The following NUMA1 variants were observed in gnomAD, a reference collection of about 807,000 sequenced individuals.
The protein encoded by NUMA1 is nuclear mitotic apparatus protein 1.
In NUMA1, 62 loss-of-function variants were observed where a neutral mutation model predicts 237.1. The ratio of observed to expected loss-of-function variants is 0.26; its 90% CI spans 0.21 to 0.32. The LOEUF (loss-of-function observed/expected upper bound fraction) is 0.32, where lower values mean the gene tolerates loss of function less well. NUMA1 is among the 10% of genes least tolerant of loss of function. The pLI is 1.00. For missense variants in NUMA1, 2,533 were observed against 2,666.5 expected (o/e 0.95, Z 1.10); for synonymous variants, 1,028 against 1,066.1 (o/e 0.96, Z 0.70).
intron 2 of NUMA1, among the ~76,000 whole-genome samples, chr11:72,037,374 C>T (rs1941149842): frequency 6.6e-6 from 1 of 152,100 alleles, no homozygotes; most frequent in African/African-American, 2.4e-5. Flanking sequence ...GGCATGGTGG[C>T]GGGCGCCTGT....
At chr11:72,034,243 A>T (rs1184487828) in intron 3 of NUMA1, among the ~76,000 whole-genome samples, 1 of 152,152 alleles carries the variant, frequency 6.6e-6, no homozygotes, top group Admixed American at 6.5e-5. Flanking sequence ...AAGAACTATG[A>T]TTTATTGAGA....
At chr11:72,078,796 AC>A (rs1360484001) in intron 1 of NUMA1, among the ~76,000 whole-genome samples, 1 of 152,166 alleles carries the variant, frequency 6.6e-6, no homozygotes, top group African/African-American at 2.4e-5. Context: ...GGAAACATAA[AC>A]CCATCTGTGC....
chr11:72,056,810 C>T (rs907369498), intron 2 of NUMA1, among the ~76,000 whole-genome samples: 3 of 151,840 alleles, frequency 2.0e-5, no homozygotes, highest in African/African-American at 7.3e-5. Flanking sequence ...AACATATCCA[C>T]CCAATTGTCC....
In NUMA1 at chr11:72,010,640, G is replaced by A. The variant is rs987198803; in HGVS notation, c.4719+146C>T. The A allele has an allele frequency of 5.4e-6, 4 of 735,390 alleles. No homozygotes were observed. The Admixed American group carries it at 7.1e-5, about 13-fold the overall frequency. The allele number at this position is 735,390 out of a possible 1,614,324, so 45.6% of individuals were successfully genotyped here. ...AGAGCTCCCAGAAGACACATGCAGG[G>A]GCTTCTAAGCCACAGGCTTCCTAGG... On this transcript the variant is annotated intron_variant, in intron 17 of 26. Coordinates refer to ENST00000393695, the MANE Select transcript of NUMA1 (RefSeq NM_006185.4).
At position 72,034,850 on chromosome 11, in the gene NUMA1, A is replaced by G. The variant is rs191990862; in HGVS notation, c.42+1052T>C. On this transcript the variant is annotated intron_variant, in intron 3 of 26. Coordinates refer to ENST00000393695, the MANE Select transcript of NUMA1 (RefSeq NM_006185.4). ...TGGTCTCCTCTGTTTCTTTAGCTTT[A>G]TTTATTATTTTTATATATATTTTTG... is the stretch of plus-strand genomic sequence containing the variant. Among the ~76,000 whole-genome samples the G allele has an allele frequency of 1.6e-3, 248 of 152,072 alleles. 2 individuals carry two copies. The highest frequency in any genetic ancestry group is 2.5e-4 in the Non-Finnish European group (17 of 67,990).
Position 72,014,736 on chromosome 11 carries a change from C to T in NUMA1, c.2767G>A (p.Val923Met). The T allele has an allele frequency of 6.2e-7, 1 of 1,614,122 alleles. No homozygotes were observed. The highest frequency in any genetic ancestry group is 8.5e-7 in the Non-Finnish European group (1 of 1,180,048). Residue 923 changes from valine to methionine, a missense_variant, in exon 15 of 27, where the codon GTG becomes ATG. Physicochemically the swap from Val to Met is conservative, Grantham distance 21. This residue lies in a region of NUMA1 where 1,414 missense variants were observed against 1,508.1 expected (regional missense o/e 0.94). Coordinates refer to ENST00000393695, the MANE Select transcript of NUMA1 (RefSeq NM_006185.4). This position sits in a 1 kb window ranked among gnomAD's most constrained non-coding sequence, Gnocchi z 4.6. ...SKEVARLETL[V>M]RKAGEQQETA... ...TCCTGCTGCTCACCTGCCTTGCGCA[C>T]CAAGGTCTCCAAGCGGGCCACCTCT... is the stretch of plus-strand genomic sequence containing the variant.
chr11:72,063,287 G>A (rs1010724014), intron 2 of NUMA1, among the ~76,000 whole-genome samples: 3 of 152,192 alleles, frequency 2.0e-5, no homozygotes, highest in Non-Finnish European at 4.4e-5. Flanking sequence ...GGAGGCTGAT[G>A]TGAGAGGATC....
At chr11:72,003,644 T>TAA (rs1955423470) in intron 26 of NUMA1, 106 bp from the exon 27 acceptor site, 2 of 1,447,424 alleles carry the variant, frequency 1.4e-6, no homozygotes, top group Non-Finnish European at 1.9e-6. Context: ...CTGGATCCCC[T>TAA]CCCTTGTGAG....
chr11:72,043,534 T>TTA (rs961656903), intron 2 of NUMA1, among the ~76,000 whole-genome samples: 7 of 147,752 alleles, frequency 4.7e-5, no homozygotes, highest in African/African-American at 1.7e-4. Context: ...GCTAATTTTT[T>TTA]TTTTTTTTTT....
intron 8 of NUMA1, 172 bp downstream of exon 8, chr11:72,021,032 T>A (rs996114878): frequency 1.3e-5 from 8 of 612,230 alleles, no homozygotes; most frequent in African/African-American, 1.3e-4. Flanking sequence ...GGAACTGAGA[T>A]GATACAACAT....
At position 72,013,686 on chromosome 11, in the gene NUMA1, G is replaced by A; in HGVS notation, c.3817C>T (p.Gln1273Ter). 1.2e-6 allele frequency: 2 copies of A among 1,608,990 alleles called. No homozygotes were observed. Among genetic ancestry groups the A allele is most frequent in the Non-Finnish European group, 1.7e-6 (2 of 1,179,954 alleles). Residue 1273 changes from glutamine (Q) to a stop codon, truncating the protein, a stop_gained, in exon 15 of 27, where the codon CAG becomes TAG. Transcript: ENST00000393695. LOFTEE classifies it high-confidence loss of function. The surrounding 1 kb of genome is among the most constrained non-coding windows in gnomAD (Gnocchi z 6.8). ...QKLEERLRLL[Q>*]AETASNSARA... The stretch of plus-strand genomic sequence containing the variant: ...GCACTGTTGCTGGCTGTCTCTGCCT[G>A]CAGCAGGCGCAGCCTCTCCTCCAGC...
chr11:72,078,266 G>A (rs1366921529), intron 1 of NUMA1, among the ~76,000 whole-genome samples: 1 of 152,224 alleles, frequency 6.6e-6, no homozygotes, highest in Non-Finnish European at 1.5e-5. Context: ...TTTTGAGTCT[G>A]GACAACACCT....
At chr11:72,075,297 G>C (rs980593893) in intron 1 of NUMA1, among the ~76,000 whole-genome samples, 3 of 152,098 alleles carry the variant, frequency 2.0e-5, no homozygotes, top group South Asian at 2.1e-4. Context: ...CTGTCAACAG[G>C]GGGTGCTAAG....
chr11:72,035,125 G>A (rs1337837275), intron 3 of NUMA1, among the ~76,000 whole-genome samples: 1 of 152,076 alleles, frequency 6.6e-6, no homozygotes, highest in East Asian at 1.9e-4. Flanking sequence ...CCAAAGTGCT[G>A]GGATTACAGG....
At position 72,017,824 on chromosome 11, in the gene NUMA1, G is replaced by A. The variant is rs370294640; in HGVS notation, c.982C>T (p.Arg328Trp). The stretch of plus-strand genomic sequence containing the variant: ...TGCTGCAGATGACTGGCAAACTCCC[G>A]CAGCTGAGACGGGCAAGTGAGAATC... ...EENGDLSFKL[R>W]EFASHLQQLQ... Residue 328 changes from arginine (R) to tryptophan (W), a missense_variant, in exon 13 of 27, where the codon CGG (arginine) becomes TGG (tryptophan). Physicochemically the swap from Arg to Trp is moderately radical, Grantham distance 101. Coordinates refer to ENST00000393695, the MANE Select transcript of NUMA1 (RefSeq NM_006185.4). The A allele has an allele frequency of 3.8e-6, 6 of 1,598,066 alleles. No individual in the cohort carries two copies. The highest frequency in any genetic ancestry group is 1.4e-5 in the African/African-American group (1 of 72,624).
chr11:72,036,772 C>G (rs1212865698), intron 2 of NUMA1, among the ~76,000 whole-genome samples: 3 of 152,120 alleles, frequency 2.0e-5, no homozygotes, highest in Non-Finnish European at 4.4e-5. Flanking sequence ...AATTTCCTTT[C>G]CCATTGAGAT....
At chr11:72,020,183 C>T (rs1938564654) in intron 8 of NUMA1, 1 of 152,504 alleles carries the variant, frequency 6.6e-6, no homozygotes, top group Non-Finnish European at 1.5e-5. Flanking sequence ...CTCTAAGCTC[C>T]CAGAGATCTG....
chr11:72,025,429 A>G (rs979216367), intron 4 of NUMA1, among the ~76,000 whole-genome samples: 2 of 151,574 alleles, frequency 1.3e-5, no homozygotes, highest in African/African-American at 4.9e-5. Flanking sequence ...AAAAAAGAAT[A>G]CTAGTCCCTG....
intron 2 of NUMA1, among the ~76,000 whole-genome samples, chr11:72,043,297 A>G (rs1057229879): frequency 2.6e-5 from 4 of 151,806 alleles, no homozygotes; most frequent in African/African-American, 9.7e-5. Flanking sequence ...CCCTGTTTCT[A>G]CCAAAAAATA....
Sources: gnomAD v4.1 joint callset for allele counts (sites outside exome capture counted in the v4.1 genomes callset) on GRCh38, gnomAD v4.1.1 for gene constraint, gnomAD v4.1.1 regional missense constraint, Gnocchi (gnomAD v3.1) non-coding constraint, MANE v1.5 for transcripts, NCBI Gene and HGNC (gene_info 2026-07-23, HGNC 2026-07-21) for gene names.